Variants in PDE12 observed in about 807,000 individuals in gnomAD.
PDE12 encodes 2',5'-phosphodiesterase 12.
A neutral mutation model predicts 45.4 loss-of-function variants in PDE12; 26 were observed. The ratio of observed to expected loss-of-function variants is 0.57; its 90% CI spans 0.42 to 0.79. PDE12 has a LOEUF of 0.79. Among genes scored for constraint, PDE12 ranks in the 30% least tolerant of loss-of-function variants. PDE12 has a pLI of 0.00. For synonymous variants in PDE12, 283 were observed against 323.9 expected, an observed-to-expected ratio of 0.87 and a Z score of 1.36; for missense variants, 668 against 790.0, an observed-to-expected ratio of 0.85 and a Z score of 1.85.
At chr3:57,586,604 T>C in the PDE12 span, among the ~76,000 whole-genome samples, 1 of 152,154 alleles carries the variant, frequency 6.6e-6, no homozygotes, top group Admixed American at 6.6e-5. Flanking sequence ...TCCCAACTAC[T>C]AGTCAGTGTG....
chr3:57,602,169 T>C, the PDE12 span, among the ~76,000 whole-genome samples: 1 of 152,158 alleles, frequency 6.6e-6, no homozygotes, highest in Admixed American at 6.6e-5. Flanking sequence ...TTAATGTGCA[T>C]TATCCCATTT....
At position 57,565,426 on chromosome 3, in the gene PDE12, AT is replaced by A. The variant is rs2153407818; in HGVS notation, c.*5424del. On this transcript the variant is annotated 3_prime_UTR_variant, in exon 3 of 3. Transcript: ENST00000311180. Reference sequence around the variant, plus strand: ...TTTCTTTTGATAGAGTAAATTGAGTATTCATCACATCAAGCATTCATTTGTG... The same window carrying A: ...TTTCTTTTGATAGAGTAAATTGAGTATCATCACATCAAGCATTCATTTGTG... 6.6e-6 allele frequency: 1 copy of A among 152,184 alleles called. No homozygotes were observed. The highest frequency in any genetic ancestry group is 1.9e-4 in the East Asian group (1 of 5,188). The allele number at this position is 152,184 out of a possible 1,614,324, so 9.4% of individuals were successfully genotyped here. A position where few individuals can be genotyped will look rare whatever the true frequency, so the allele number is the denominator to read the frequency against.
At chr3:57,645,859 CTT>C in the PDE12 span, 2 of 735,384 alleles carry the variant, frequency 2.7e-6, no homozygotes, top group Non-Finnish European at 4.3e-6. Context: ...CAAAGGGATA[CTT>C]TGTTTATTTT....
At chr3:57,650,848 G>A in the PDE12 span, among the ~76,000 whole-genome samples, 10 of 149,468 alleles carry the variant, frequency 6.7e-5, no homozygotes, top group Non-Finnish European at 1.0e-4. Flanking sequence ...GCAATGGCGC[G>A]ATCTTGGCTC....
chr3:57,583,278 A>T, the PDE12 span, among the ~76,000 whole-genome samples: 2 of 152,176 alleles, frequency 1.3e-5, no homozygotes, highest in Non-Finnish European at 1.5e-5. Context: ...ACACTACTGT[A>T]CCTGGATTAT....
chr3:57,613,505 G>A, the PDE12 span, among the ~76,000 whole-genome samples: 5 of 151,352 alleles, frequency 3.3e-5, no homozygotes, highest in Admixed American at 3.3e-4. Flanking sequence ...TCTTGGTCAG[G>A]CTGGTCTGGA....
At chr3:57,597,341 G>T in the PDE12 span, 1 of 508,962 alleles carries the variant, frequency 2.0e-6, no homozygotes, top group Non-Finnish European at 3.5e-6. Context: ...CCTGCTAGGC[G>T]ACTGGCGCGG....
the PDE12 span, among the ~76,000 whole-genome samples, chr3:57,594,455 C>A: frequency 6.6e-6 from 1 of 152,140 alleles, no homozygotes; most frequent in Non-Finnish European, 1.5e-5. Context: ...ACCCTTATAA[C>A]TAGTACATAA....
chr3:57,632,810 G>A, the PDE12 span, among the ~76,000 whole-genome samples: 1,783 of 152,146 alleles, frequency 0.012, 33 homozygotes, highest in African/African-American at 0.04. Flanking sequence ...CCAGTCTGAC[G>A]AATTAATAAC....
the PDE12 span, among the ~76,000 whole-genome samples, chr3:57,607,233 C>T: frequency 6.6e-6 from 1 of 152,090 alleles, no homozygotes; most frequent in African/African-American, 2.4e-5. Context: ...GCACCAAAAC[C>T]CCACCTGTAC....
chr3:57,590,882 T>C, the PDE12 span, among the ~76,000 whole-genome samples: 1 of 152,220 alleles, frequency 6.6e-6, no homozygotes, highest in Non-Finnish European at 1.5e-5. Context: ...GGTCTTGCCA[T>C]GGTATGGTGC....
At position 57,557,629 on chromosome 3, in the gene PDE12, A is replaced by C. The variant is rs148876475; in HGVS notation, c.1250A>C (p.Lys417Thr). The change falls in exon 1 of 3, where the codon AAA becomes ACA. Residue 417 changes from lysine to threonine, a missense_variant. By Grantham distance (78) the Lys-to-Thr change is moderately conservative. Coordinates refer to ENST00000311180, the MANE Select transcript of PDE12 (RefSeq NM_177966.7). ...CCACTTCACAAAGAACTGCTGGAGA[A>C]ACTAGTTTTGTACCCATCAGCGCAG... is the stretch of plus-strand genomic sequence containing the variant. ...SDPLHKELLEKLVLYPSAQEK... is the reference protein window; with the variant it reads ...SDPLHKELLETLVLYPSAQEK... 1 of 1,614,014 alleles carries C rather than the reference A, an allele frequency of 6.2e-7. No individual in the cohort carries two copies. The highest frequency in any genetic ancestry group is 1.3e-5 in the African/African-American group (1 of 74,918).
At chr3:57,599,216 A>ATAT in the PDE12 span, among the ~76,000 whole-genome samples, 1 of 152,236 alleles carries the variant, frequency 6.6e-6, no homozygotes, top group South Asian at 2.1e-4. Flanking sequence ...TAGATAGATA[A>ATAT]GAGACAAATG....
At chr3:57,612,297 A>G in the PDE12 span, among the ~76,000 whole-genome samples, 12 of 151,418 alleles carry the variant, frequency 7.9e-5, no homozygotes, top group African/African-American at 2.4e-4. Flanking sequence ...TGTAAATGAC[A>G]AGTTAATTGG....
chr3:57,578,327 G>A, the PDE12 span, among the ~76,000 whole-genome samples: 2 of 151,532 alleles, frequency 1.3e-5, no homozygotes, highest in Admixed American at 1.3e-4. Context: ...AGCCAAGGCA[G>A]GAGGATCACT....
the PDE12 span, chr3:57,646,426 T>A: frequency 1.2e-6 from 2 of 1,613,142 alleles, no homozygotes; most frequent in African/African-American, 1.3e-5. Context: ...GAAGGAAAAC[T>A]GGGCAGAAAC....
At chr3:57,645,777 G>A in the PDE12 span, 2 of 1,565,346 alleles carry the variant, frequency 1.3e-6, no homozygotes, top group South Asian at 1.1e-5. Context: ...GGAAGAACAT[G>A]TAAAATAAAG....
chr3:57,578,891 G>GT, the PDE12 span, among the ~76,000 whole-genome samples: 11 of 95,990 alleles, frequency 1.1e-4, no homozygotes, highest in Admixed American at 1.0e-3. Flanking sequence ...AGCTAGAAAA[G>GT]GGGGGGGGCA....
the PDE12 span, among the ~76,000 whole-genome samples, chr3:57,624,766 GAAA>G: frequency 2.8e-5 from 4 of 141,072 alleles, no homozygotes; most frequent in Non-Finnish European, 6.2e-5. Context: ...TCCGTCTCAA[GAAA>G]AAAAAAAGAA....
Sources: allele counts gnomAD v4.1 joint callset (sites outside exome capture counted in the v4.1 genomes callset), GRCh38; gene constraint gnomAD v4.1.1; transcripts MANE v1.5; gene names NCBI Gene and HGNC (gene_info 2026-07-23, HGNC 2026-07-21).